BARD1: variants seen among roughly 807,000 people sequenced by gnomAD.
The protein encoded by BARD1 is BRCA1 associated RING domain 1.
BARD1 carries 73 observed loss-of-function variants against 77.0 expected under a neutral mutation model. That is an observed-to-expected ratio of 0.95 (90% CI 0.79 to 1.15). The LOEUF (loss-of-function observed/expected upper bound fraction) is 1.15. BARD1 is among the 50% of genes most tolerant of loss of function. BARD1 has a pLI of 0.00. For synonymous variants in BARD1, 384 were observed against 338.0 expected (o/e 1.14, Z -1.49); for missense variants, 993 against 938.8 (o/e 1.06, Z -0.75).
At chr2:214,795,874 G>C (rs1020740644) in intron 2 of BARD1, among the ~76,000 whole-genome samples, 1 of 152,094 alleles carries the variant, frequency 6.6e-6, no homozygotes, top group Non-Finnish European at 1.5e-5. Flanking sequence ...CATCCAAACA[G>C]ACGTATCTGG....
intron 4 of BARD1, 28 bp downstream of exon 4, chr2:214,780,532 A>T (rs1694933470): frequency 1.3e-6 from 2 of 1,598,380 alleles, no homozygotes; most frequent in Non-Finnish European, 1.7e-6. Context: ...CCTCATTCTG[A>T]GATGGTATTT....
chr2:214,772,765 AAATGT>A (rs1694565126), intron 4 of BARD1, among the ~76,000 whole-genome samples: 1 of 152,202 alleles, frequency 6.6e-6, no homozygotes, highest in Non-Finnish European at 1.5e-5. Context: ...TACTTCATGT[AAATGT>A]AATGTCATGC....
chr2:214,765,745 C>T (rs969945854), intron 6 of BARD1, among the ~76,000 whole-genome samples: 1 of 152,000 alleles, frequency 6.6e-6, no homozygotes, highest in African/African-American at 2.4e-5. Flanking sequence ...CAAACACGCA[C>T]GTGTGTACAC....
chr2:214,753,125 T>C (rs1239724531), intron 6 of BARD1, among the ~76,000 whole-genome samples: 1 of 152,142 alleles, frequency 6.6e-6, no homozygotes, highest in Admixed American at 6.6e-5. Context: ...CTTCTCAGCA[T>C]GTACTAATTC....
chr2:214,806,876 G>GAAAAAAA (rs10636746), intron 1 of BARD1, among the ~76,000 whole-genome samples: 4 of 133,616 alleles, frequency 3.0e-5, no homozygotes, highest in Admixed American at 1.6e-4. Context: ...TTTGCCTAGG[G>GAAAAAAA]AAAAAAAAAA....
rs923271294 is a variant in BARD1 at position 214,780,696 on chromosome 2, C to G, written c.1178G>C (p.Gly393Ala). Residue 393 changes from glycine to alanine, a missense_variant, in exon 4 of 11, where the codon GGT becomes GCT. By Grantham distance (60) the Gly-to-Ala change is moderately conservative. Coordinates refer to ENST00000260947, the MANE Select transcript of BARD1 (RefSeq NM_000465.4). The part of the protein sequence containing the change: ...MSDEFISLSP[G>A]TPPSTLSSSS... ...ACTACTTAATGTAGAAGGTGGTGTA[C>G]CTGGTGAAAGACTAATGAATTCATC... The G allele has an allele frequency of 6.2e-7, 1 of 1,614,040 alleles. No homozygotes were observed. Among genetic ancestry groups the G allele is most frequent in the Non-Finnish European group, 8.5e-7 (1 of 1,179,992 alleles).
chr2:214,740,903 T>G (rs1022685417), intron 9 of BARD1, among the ~76,000 whole-genome samples: 2 of 151,214 alleles, frequency 1.3e-5, no homozygotes, highest in South Asian at 4.2e-4. Context: ...TATACGAATG[T>G]TTTTTTTTAA....
At chr2:214,766,655 TA>T (rs1192346955) in intron 6 of BARD1, among the ~76,000 whole-genome samples, 1 of 152,170 alleles carries the variant, frequency 6.6e-6, no homozygotes, top group Non-Finnish European at 1.5e-5. Context: ...AAGTTTCTTA[TA>T]AAAGATGGCA....
At chr2:214,790,331 A>G (rs990578280) in intron 3 of BARD1, among the ~76,000 whole-genome samples, 3 of 152,170 alleles carry the variant, frequency 2.0e-5, no homozygotes, top group Admixed American at 1.3e-4. Context: ...ACTTGGAAAT[A>G]AGGTCATTGC....
At chr2:214,751,131 A>ATTTTTTTTTTTTTTTTTTTTTTTTT (rs1693407218) in intron 7 of BARD1, among the ~76,000 whole-genome samples, 1 of 35,566 alleles carries the variant, frequency 2.8e-5, no homozygotes, top group Non-Finnish European at 5.4e-5. Context: ...ATATATATAT[A>ATTTTTTTTTTTTTTTTTTTTTTTTT]TATATATATA....
At chr2:214,783,724 C>T (rs968948911) in intron 3 of BARD1, among the ~76,000 whole-genome samples, 1 of 152,090 alleles carries the variant, frequency 6.6e-6, no homozygotes, top group Non-Finnish European at 1.5e-5. Flanking sequence ...CACACATCTA[C>T]AACCATCTGA....
Position 214,728,686 on chromosome 2 carries a change from A to T in BARD1, c.2324T>A (p.Leu775His), listed in dbSNP as rs907023461. The T allele has an allele frequency of 2.5e-6, 4 of 1,614,084 alleles. No homozygotes were observed. In the African/African-American group the frequency reaches 4.0e-5, roughly 16 times the overall value. Reference protein sequence around the residue: ...DCVMSFELLPLDS With the variant: ...DCVMSFELLPHDS ...CATCTGGTATAATATTCAGCTGTCA[A>T]GAGGAAGCAACTCAAAGGACATCAC... Residue 775 changes from leucine to histidine, a missense_variant, in exon 11 of 11, where the codon CTT (leucine) becomes CAT (histidine). Leu to His is a moderately conservative substitution (Grantham distance 99). Transcript: ENST00000260947.
In BARD1 at chr2:214,783,264, A is replaced by T. The variant is rs140181235; in HGVS notation, c.365-1755T>A. Among the ~76,000 whole-genome samples the T allele has an allele frequency of 8.9e-3, 1,356 of 152,280 alleles. 8 individuals carry two copies. The highest frequency in any genetic ancestry group is 0.075 in the Middle Eastern group (22 of 294). On this transcript the variant is annotated intron_variant, in intron 3 of 10. Transcript: ENST00000260947. ...TCAAGCCTATGTTATTCAAGGGGCA[A>T]CTGTAGTAAGTTTAAGGAATTAAAG...
rs786201912 is a variant in BARD1, at chr2:214,792,363, G to A, written c.298C>T (p.Gln100Ter). ...CAAAGTTGAATCATGCTGTCCAGTT[G>A]TCTATTTATCTTCAAGTCTTGTATC... ...AWIQDLKINR[Q>*]LDSMIQLCSK... is the part of the protein sequence containing the mutation. The change falls in exon 3 of 11, where the codon CAA becomes TAA. Residue 100 changes from glutamine to a stop codon, truncating the protein, a stop_gained. Coordinates refer to ENST00000260947, the MANE Select transcript of BARD1 (RefSeq NM_000465.4). LOFTEE classifies it high-confidence loss of function. 6 of 1,611,442 alleles carry A rather than the reference G, an allele frequency of 3.7e-6. No homozygotes were observed. The highest frequency in any genetic ancestry group is 1.3e-5 in the African/African-American group (1 of 74,446).
chr2:214,796,366 T>C (rs1339179265), intron 2 of BARD1, among the ~76,000 whole-genome samples: 1 of 152,176 alleles, frequency 6.6e-6, no homozygotes, highest in Non-Finnish European at 1.5e-5. Context: ...CTCTAGACGA[T>C]CAAGTTAAGA....
intron 9 of BARD1, among the ~76,000 whole-genome samples, chr2:214,732,099 C>T (rs1016920943): frequency 6.6e-6 from 1 of 152,098 alleles, no homozygotes; most frequent in Admixed American, 6.6e-5. Context: ...GAGGATTAGA[C>T]ATATATGTTG....
Position 214,781,231 on chromosome 2 carries a change from T to A in BARD1, c.643A>T (p.Asn215Tyr), listed in dbSNP as rs864622353. 3.8e-6 allele frequency: 6 copies of A among 1,594,942 alleles called. No homozygotes were observed. Among genetic ancestry groups the A allele is most frequent in the Non-Finnish European group, 5.1e-6 (6 of 1,175,464 alleles). The change falls in exon 4 of 11, where the codon AAC (asparagine) becomes TAC (tyrosine). Residue 215 changes from asparagine to tyrosine, a missense_variant. By Grantham distance (143) the Asn-to-Tyr change is moderately radical (BLOSUM62 -2). Transcript: ENST00000260947. ...KQKKKTLAEINQKWNLEAEKE... is the reference protein window; with the variant it reads ...KQKKKTLAEIYQKWNLEAEKE... ...TCTGCCTCTAAATTCCATTTTTGGT[T>A]GATTTCAGCTAAAGTTTTCTTTTTT... is the stretch of plus-strand genomic sequence containing the variant.
chr2:214,732,692 G>C (rs1692409599), intron 9 of BARD1, among the ~76,000 whole-genome samples: 1 of 152,198 alleles, frequency 6.6e-6, no homozygotes, highest in Non-Finnish European at 1.5e-5. Context: ...ACCACACCTT[G>C]CTGACCTATA....
intron 6 of BARD1, among the ~76,000 whole-genome samples, chr2:214,753,970 G>A (rs1693578417): frequency 6.6e-6 from 1 of 152,060 alleles, no homozygotes; most frequent in South Asian, 2.1e-4. Flanking sequence ...TTGCATTTCA[G>A]CTTTATAATT....
Sources: allele counts gnomAD v4.1 joint callset (sites outside exome capture counted in the v4.1 genomes callset), GRCh38; gene constraint gnomAD v4.1.1; transcripts MANE v1.5; gene names NCBI Gene and HGNC (gene_info 2026-07-23, HGNC 2026-07-21).